ZNF358: variants seen among roughly 807,000 people sequenced by gnomAD.
ZNF358 encodes the protein zinc finger protein 358.
ZNF358 carries 1 observed loss-of-function variant against 2.1 expected under a neutral mutation model. The observed-to-expected ratio is 0.49, with a 90% CI of 0.17 to 2.30. The LOEUF is 2.30. ZNF358 is among the 30% of genes most tolerant of loss of function. The pLI, the probability that ZNF358 is intolerant of heterozygous loss-of-function variation, is 0.26. For missense variants in ZNF358, 665 were observed against 806.8 expected (o/e 0.82, Z 2.13); for synonymous variants, 381 against 359.7 (o/e 1.06, Z -0.67).
chr19:7,520,283 C>G lies in ZNF358; in HGVS notation c.1041C>G (p.Tyr347Ter). The G allele has an allele frequency of 6.2e-7, 1 of 1,610,194 alleles. No individual in the cohort carries two copies. The highest frequency in any genetic ancestry group is 8.5e-7 in the Non-Finnish European group (1 of 1,179,610). ...HLRIHTGERP[Y>*]ACPHCSKAFG... is the part of the protein sequence containing the mutation. The stretch of plus-strand genomic sequence containing the variant: ...GCATCCACACGGGCGAGCGGCCCTA[C>G]GCCTGCCCGCACTGCTCCAAGGCCT... Residue 347 changes from tyrosine (Y) to a stop codon, truncating the protein, a stop_gained, in exon 2 of 2, where the codon TAC (tyrosine) becomes TAG (stop). Transcript: ENST00000597229. LOFTEE classifies it low-confidence loss of function (END_TRUNC). The surrounding 1 kb of genome is among the most constrained non-coding windows in gnomAD (Gnocchi z 6.0).
At position 7,519,507 on chromosome 19, in the gene ZNF358, T is replaced by C. The variant is rs773799856; in HGVS notation, c.265T>C (p.Ser89Pro). 14 of 1,612,088 alleles carry C rather than the reference T, an allele frequency of 8.7e-6. No homozygotes were observed. The highest frequency in any genetic ancestry group is 1.2e-5 in the Non-Finnish European group (14 of 1,179,890). ...GSEPQDPDPM[S>P]SSFDLDPDVI... ...GGAACCCCAAGATCCCGACCCCATG[T>C]CTTCGAGTTTCGACCTCGATCCAGA... The change falls in exon 2 of 2, where the codon TCT becomes CCT. Residue 89 changes from serine to proline, a missense_variant. By Grantham distance (74) the Ser-to-Pro change is moderately conservative. Coordinates refer to ENST00000597229, the MANE Select transcript of ZNF358 (RefSeq NM_018083.5).
chr19:7,519,662 G>A lies in ZNF358; in HGVS notation c.420G>A (p.Val140=), dbSNP rs753640787. The change falls in exon 2 of 2, where the codon GTG becomes GTA. Residue 140 remains valine, a synonymous_variant. Coordinates refer to ENST00000597229, the MANE Select transcript of ZNF358 (RefSeq NM_018083.5). ...AGGTCTTGGCCACCAGCCCCGCGGT[G>A]CTCCCCGCCCCCGCCAGCCCGCCCC... is the stretch of plus-strand genomic sequence containing the variant. ...TPQVLATSPA[V]LPAPASPPRP... The A allele has an allele frequency of 2.5e-6, 4 of 1,577,668 alleles. No individual in the cohort carries two copies. In the African/African-American group the frequency reaches 4.0e-5, roughly 16 times the overall value.
At chr19:7,514,824 G>T (rs896388196), upstream of ZNF358, among the ~76,000 whole-genome samples, 1 of 152,140 alleles carries the variant, frequency 6.6e-6, no homozygotes, top group Non-Finnish European at 1.5e-5. Context: ...GTAGAGACAG[G>T]ATTTCACCAT....
Position 7,520,357 on chromosome 19 carries a change from A to G in ZNF358, c.1115A>G (p.Glu372Gly). The G allele has an allele frequency of 6.2e-7, 1 of 1,612,404 alleles. No homozygotes were observed. Among genetic ancestry groups the G allele is most frequent in the Non-Finnish European group, 8.5e-7 (1 of 1,179,660 alleles). Reference sequence around the variant, plus strand: ...CAGCACCTGCACGTGCATTCGGGCGAGCGTCCCTATCGCTGTCAGCTCTGC... The same window carrying G: ...CAGCACCTGCACGTGCATTCGGGCGGGCGTCCCTATCGCTGTCAGCTCTGC... ...LLQHLHVHSGERPYRCQLCGK... is the reference protein window; with the variant it reads ...LLQHLHVHSGGRPYRCQLCGK... Residue 372 changes from glutamate (E) to glycine (G), a missense_variant, in exon 2 of 2, where the codon GAG (glutamate) becomes GGG (glycine). Physicochemically the swap from Glu to Gly is moderately conservative, Grantham distance 98. Transcript: ENST00000597229. The surrounding 1 kb of genome is among the most constrained non-coding windows in gnomAD (Gnocchi z 6.0).
chr19:7,520,025 G>A lies in ZNF358; in HGVS notation c.783G>A (p.Arg261=), dbSNP rs1458552286. 6.5e-7 allele frequency: 1 copy of A among 1,536,568 alleles called. No individual in the cohort carries two copies. The highest frequency in any genetic ancestry group is 2.0e-5 in the Admixed American group (1 of 50,500). Residue 261 remains arginine (R), a synonymous_variant, in exon 2 of 2, where the codon CGG becomes CGA. Transcript: ENST00000597229. The surrounding 1 kb of genome is among the most constrained non-coding windows in gnomAD (Gnocchi z 6.0). ...AQHLRTHGGP[R]PHKCPVCAKG... ...ACCTGCGCACGCACGGCGGCCCGCG[G>A]CCCCACAAGTGCCCGGTGTGCGCCA...
intron 1 of ZNF358, among the ~76,000 whole-genome samples, chr19:7,518,601 A>AAGAAAGAAAGAAAGAG: frequency 6.6e-6 from 1 of 151,608 alleles, no homozygotes; most frequent in Admixed American, 6.6e-5. Context: ...GAAAGAAAGA[A>AAGAAAGAAAGAAAGAG]TTGAAGTTAG....
At position 7,520,614 on chromosome 19, in the gene ZNF358, T is replaced by A. The variant is rs866252436; in HGVS notation, c.1372T>A (p.Ser458Thr). The change falls in exon 2 of 2, where the codon TCT becomes ACT. Residue 458 changes from serine to threonine, a missense_variant. Physicochemically the swap from Ser to Thr is moderately conservative, Grantham distance 58. Coordinates refer to ENST00000597229, the MANE Select transcript of ZNF358 (RefSeq NM_018083.5). The surrounding 1 kb of genome is among the most constrained non-coding windows in gnomAD (Gnocchi z 6.0). ...SGLGLSPGTSSGRNPDPGSGP... is the reference protein window; with the variant it reads ...SGLGLSPGTSTGRNPDPGSGP... Reference sequence around the variant, plus strand: ...CTTGGGCCTCAGCCCTGGCACCAGCTCTGGCCGCAACCCTGACCCTGGCTC... The same window carrying A: ...CTTGGGCCTCAGCCCTGGCACCAGCACTGGCCGCAACCCTGACCCTGGCTC... 6.0e-6 allele frequency: 9 copies of A among 1,494,748 alleles called. No homozygotes were observed. The highest frequency in any genetic ancestry group is 1.4e-5 in the African/African-American group (1 of 71,806). 92.6% of individuals were successfully genotyped at this position (1,494,748 alleles called of 1,614,324 possible).
At position 7,520,777 on chromosome 19, in the gene ZNF358, T is replaced by C. The variant is rs28655671; in HGVS notation, c.1535T>C (p.Leu512Pro). The C allele has an allele frequency of 1.0e-4, 167 of 1,613,516 alleles. No individual in the cohort carries two copies. The Admixed American group carries it at 2.7e-3, about 26-fold the overall frequency. ...CCCGACCTTGTGCCCAGCCCAGACC[T>C]TGATCCTGTGCCCAGCCCAGACCCT... ...AGPDLVPSPDLDPVPSPDPDP... is the reference protein window; with the variant it reads ...AGPDLVPSPDPDPVPSPDPDP... Residue 512 changes from leucine (L) to proline (P), a missense_variant, in exon 2 of 2, where the codon CTT (leucine) becomes CCT (proline). Leu to Pro is a moderately conservative substitution (Grantham distance 98, BLOSUM62 -3). Transcript: ENST00000597229. This position sits in a 1 kb window ranked among gnomAD's most constrained non-coding sequence, Gnocchi z 6.0.
chr19:7,517,211 C>T (rs185438233), intron 1 of ZNF358, among the ~76,000 whole-genome samples: 34 of 152,034 alleles, frequency 2.2e-4, no homozygotes, highest in Admixed American at 1.3e-4. Context: ...AGCTTTTGTC[C>T]CTCTACCTCC....
Position 7,519,693 on chromosome 19 carries a change from T to G in ZNF358, c.451T>G (p.Phe151Val), listed in dbSNP as rs2022427009. ...CGCCCCCGCCAGCCCGCCCCGGCCC[T>G]TCTCCTGCCCGGATTGCGGGCGAGC... ...LPAPASPPRP[F>V]SCPDCGRAFR... Residue 151 changes from phenylalanine to valine, a missense_variant, in exon 2 of 2, where the codon TTC becomes GTC. By Grantham distance (50) the Phe-to-Val change is conservative. Around this residue, in one of 3 missense-constraint regions of ZNF358, gnomAD observed 206 missense variants for 228.4 expected, o/e 0.90. Transcript: ENST00000597229. The G allele has an allele frequency of 6.7e-7, 1 of 1,486,002 alleles. No individual in the cohort carries two copies. Among genetic ancestry groups the G allele is most frequent in the Non-Finnish European group, 9.1e-7 (1 of 1,103,776 alleles). 92.1% of individuals were successfully genotyped at this position (1,486,002 alleles called of 1,614,324 possible). A position where few individuals can be genotyped will look rare whatever the true frequency, so the allele number is the denominator to read the frequency against.
At position 7,519,860 on chromosome 19, in the gene ZNF358, G is replaced by T. The variant is rs757597492; in HGVS notation, c.618G>T (p.Pro206=). 2.6e-6 allele frequency: 4 copies of T among 1,530,406 alleles called. No individual in the cohort carries two copies. In the African/African-American group the frequency reaches 5.5e-5, roughly 21 times the overall value. The allele number at this position is 1,530,406 out of a possible 1,614,324, so 94.8% of individuals were successfully genotyped here. ...QHRGIHTGAR[P]YQCAACGKAF... ...GTGGCATCCACACTGGGGCGCGGCC[G>T]TACCAGTGCGCGGCCTGCGGCAAGG... The change falls in exon 2 of 2, where the codon CCG becomes CCT. Residue 206 remains proline (P), a synonymous_variant. Coordinates refer to ENST00000597229, the MANE Select transcript of ZNF358 (RefSeq NM_018083.5).
At position 7,520,677 on chromosome 19, in the gene ZNF358, C is replaced by T. The variant is rs1384496318; in HGVS notation, c.1435C>T (p.Leu479Phe). 2 of 1,612,298 alleles carry T rather than the reference C, an allele frequency of 1.2e-6. No individual in the cohort carries two copies. Among genetic ancestry groups the T allele is most frequent in the Non-Finnish European group, 1.7e-6 (2 of 1,179,096 alleles). ...GTLPDPSSKPLPGSRSTPSPT... is the reference protein window; with the variant it reads ...GTLPDPSSKPFPGSRSTPSPT... ...TCTGCCGGATCCCAGCTCCAAACCC[C>T]TCCCCGGCTCCAGATCCACCCCCAG... is the stretch of plus-strand genomic sequence containing the variant. The change falls in exon 2 of 2, where the codon CTC becomes TTC. Residue 479 changes from leucine (L) to phenylalanine (F), a missense_variant. Physicochemically the swap from Leu to Phe is conservative, Grantham distance 22. Transcript: ENST00000597229. This position sits in a 1 kb window ranked among gnomAD's most constrained non-coding sequence, Gnocchi z 6.0.
At position 7,519,439 on chromosome 19, in the gene ZNF358, C is replaced by A. The variant is rs1160782816; in HGVS notation, c.197C>A (p.Pro66His). The change falls in exon 2 of 2, where the codon CCC becomes CAC. Residue 66 changes from proline to histidine, a missense_variant. Physicochemically the swap from Pro to His is moderately conservative, Grantham distance 77 (BLOSUM62 -2). This residue lies in a region of ZNF358 where 206 missense variants were observed against 228.4 expected (regional missense o/e 0.90). Coordinates refer to ENST00000597229, the MANE Select transcript of ZNF358 (RefSeq NM_018083.5). ...GACCCCAGCTATGAAGATCTGGAGC[C>A]CGTCTCGGAGGATCTGGACCCCGAC... ...DVDPSYEDLE[P>H]VSEDLDPDAE... 1 of 1,613,986 alleles carries A rather than the reference C, an allele frequency of 6.2e-7. No homozygotes were observed. Among genetic ancestry groups the A allele is most frequent in the African/African-American group, 1.3e-5 (1 of 74,910 alleles).
chr19:7,515,842 C>CAG (rs1349750943), upstream of ZNF358, among the ~76,000 whole-genome samples: 1 of 151,910 alleles, frequency 6.6e-6, no homozygotes, highest in African/African-American at 2.4e-5. Flanking sequence ...CGGAGAGAGA[C>CAG]AGAGAGAGGG....
rs774964469 is a variant in ZNF358, at chr19:7,520,005, C to A, written c.763C>A (p.Arg255Ser). ...CGGCTCGCTCCTGGCACAGCACCTG[C>A]GCACGCACGGCGGCCCGCGGCCCCA... ...GHGSLLAQHLRTHGGPRPHKC... is the reference protein window; with the variant it reads ...GHGSLLAQHLSTHGGPRPHKC... Residue 255 changes from arginine to serine, a missense_variant, in exon 2 of 2, where the codon CGC becomes AGC. Arg to Ser is a moderately radical substitution (Grantham distance 110). Transcript: ENST00000597229. The surrounding 1 kb of genome is among the most constrained non-coding windows in gnomAD (Gnocchi z 6.0). 3 of 1,525,818 alleles carry A rather than the reference C, an allele frequency of 2.0e-6. No individual in the cohort carries two copies. Among genetic ancestry groups the A allele is most frequent in the South Asian group, 1.2e-5 (1 of 82,990 alleles). The allele number at this position is 1,525,818 out of a possible 1,614,324, so 94.5% of individuals were successfully genotyped here. A position where few individuals can be genotyped will look rare whatever the true frequency, so the allele number is the denominator to read the frequency against.
Position 7,519,785 on chromosome 19 carries a change from C to T in ZNF358, c.543C>T (p.Cys181=). The change falls in exon 2 of 2, where the codon TGC becomes TGT. Residue 181 remains cysteine (C), a synonymous_variant. Transcript: ENST00000597229. The stretch of plus-strand genomic sequence containing the variant: ...ACAGCGGCGAGAAGCCGTACCGCTG[C>T]CCCGACTGCGGGAAGTCCTTCAGCC... ...RTHSGEKPYR[C]PDCGKSFSHG... The T allele has an allele frequency of 6.5e-7, 1 of 1,532,550 alleles. No individual in the cohort carries two copies. Among genetic ancestry groups the T allele is most frequent in the Non-Finnish European group, 8.7e-7 (1 of 1,145,878 alleles). The allele number at this position is 1,532,550 out of a possible 1,614,324, so 94.9% of individuals were successfully genotyped here.
rs199691522 is a variant in ZNF358, at chr19:7,519,185, C to A, written c.-38-20C>A. On this transcript the variant is annotated intron_variant, in intron 1 of 1. Transcript: ENST00000597229. ...CCACAGAACCCACCTACCCTCTACC[C>A]TCTATCCTTGCCCTTGCAGGTCTTG... The A allele has an allele frequency of 2.8e-4, 443 of 1,573,562 alleles. No homozygotes were observed. Among genetic ancestry groups the A allele is most frequent in the Non-Finnish European group, 3.7e-4 (425 of 1,161,850 alleles).
chr19:7,519,493 A>G lies in ZNF358; in HGVS notation c.251A>G (p.Asp84Gly). The G allele has an allele frequency of 6.2e-7, 1 of 1,612,948 alleles. No individual in the cohort carries two copies. Reference protein sequence around the residue: ...DAEAPGSEPQDPDPMSSSFDL... With the variant: ...DAEAPGSEPQGPDPMSSSFDL... Reference sequence around the variant, plus strand: ...GAAGCTCCGGGCTCGGAACCCCAAGATCCCGACCCCATGTCTTCGAGTTTC... The same window carrying G: ...GAAGCTCCGGGCTCGGAACCCCAAGGTCCCGACCCCATGTCTTCGAGTTTC... The change falls in exon 2 of 2, where the codon GAT (aspartate) becomes GGT (glycine). Residue 84 changes from aspartate (D) to glycine (G), a missense_variant. Transcript: ENST00000597229.
intron 1 of ZNF358, among the ~76,000 whole-genome samples, chr19:7,517,009 A>C (rs1371360000): frequency 6.6e-6 from 1 of 152,050 alleles, no homozygotes; most frequent in African/African-American, 2.4e-5. Context: ...GTTTGCCTGC[A>C]CACTCCCAGC....
Sources: allele counts gnomAD v4.1 joint callset (sites outside exome capture counted in the v4.1 genomes callset), GRCh38; gene constraint gnomAD v4.1.1; regional missense constraint gnomAD v4.1.1; non-coding constraint Gnocchi (gnomAD v3.1); transcripts MANE v1.5; gene names NCBI Gene and HGNC (gene_info 2026-07-23, HGNC 2026-07-21).